The following GALNTL6 variants were observed in gnomAD, a reference collection of about 807,000 sequenced individuals.
GALNTL6 encodes the protein polypeptide N-acetylgalactosaminyltransferase like 6.
GALNTL6 carries 46 observed loss-of-function variants against 73.7 expected under a neutral mutation model. The ratio of observed to expected loss-of-function variants is 0.62; its 90% CI spans 0.49 to 0.80. The LOEUF is 0.80. Among genes scored for constraint, GALNTL6 ranks in the 30% least tolerant of loss-of-function variants. GALNTL6 has a pLI of 0.00. For missense variants in GALNTL6, 604 were observed against 755.0 expected, an observed-to-expected ratio of 0.80 and a Z score of 2.34; for synonymous variants, 259 against 263.7, an observed-to-expected ratio of 0.98 and a Z score of 0.17.
intron 5 of GALNTL6, among the ~76,000 whole-genome samples, chr4:172,619,852 A>C (rs1738886094): frequency 6.6e-6 from 1 of 152,202 alleles, no homozygotes; most frequent in Non-Finnish European, 1.5e-5. Flanking sequence ...CGTAAGTACT[A>C]TGAAATGCAT....
At chr4:172,711,972 G>A (rs984341662) in intron 5 of GALNTL6, among the ~76,000 whole-genome samples, 1 of 152,156 alleles carries the variant, frequency 6.6e-6, no homozygotes, top group African/African-American at 2.4e-5. Context: ...TATCCCGGAA[G>A]GCAGGAAAAG....
At chr4:171,865,368 G>A (rs1735943445) in intron 2 of GALNTL6, among the ~76,000 whole-genome samples, 1 of 152,138 alleles carries the variant, frequency 6.6e-6, no homozygotes, top group Non-Finnish European at 1.5e-5. Flanking sequence ...AATGGTATGT[G>A]AGACAGGCTT....
At chr4:172,774,983 TAATAATAATAA>T (rs1738992259) in intron 5 of GALNTL6, among the ~76,000 whole-genome samples, 1 of 148,272 alleles carries the variant, frequency 6.7e-6, no homozygotes, top group Non-Finnish European at 1.5e-5. Flanking sequence ...ATAATAATAA[TAATAATAATAA>T]TAATAATAAA....
At chr4:172,789,000 A>G (rs1366742344) in intron 5 of GALNTL6, among the ~76,000 whole-genome samples, 1 of 152,190 alleles carries the variant, frequency 6.6e-6, no homozygotes, top group Non-Finnish European at 1.5e-5. Flanking sequence ...CACCACAACA[A>G]TCATCAACAT....
chr4:172,259,129 C>CA, intron 3 of GALNTL6, among the ~76,000 whole-genome samples: 2 of 151,166 alleles, frequency 1.3e-5, no homozygotes, highest in Admixed American at 1.3e-4. Flanking sequence ...ACCCAGGAGT[C>CA]AATGACTGGA....
chr4:172,769,013 G>A (rs894354131), intron 5 of GALNTL6, among the ~76,000 whole-genome samples: 1 of 152,034 alleles, frequency 6.6e-6, no homozygotes. Flanking sequence ...AAACAGATAA[G>A]CAGTTGAGCA....
At chr4:172,776,116 G>A (rs944696051) in intron 5 of GALNTL6, among the ~76,000 whole-genome samples, 2 of 152,164 alleles carry the variant, frequency 1.3e-5, no homozygotes, top group African/African-American at 2.4e-5. Context: ...CCTGGCCCAC[G>A]GAAACTGAGA....
intron 2 of GALNTL6, among the ~76,000 whole-genome samples, chr4:171,966,795 T>C (rs1579014445): frequency 6.6e-6 from 1 of 152,310 alleles, no homozygotes. Context: ...GTTATTACTA[T>C]TTCCAGCAGT....
At chr4:171,874,523 G>C (rs1430480517) in intron 2 of GALNTL6, among the ~76,000 whole-genome samples, 1 of 152,134 alleles carries the variant, frequency 6.6e-6, no homozygotes, top group South Asian at 2.1e-4. Context: ...CTAGGGAAAA[G>C]TCATTCTAGG....
intron 2 of GALNTL6, among the ~76,000 whole-genome samples, chr4:172,174,386 C>T (rs959082931): frequency 6.6e-6 from 1 of 152,022 alleles, no homozygotes; most frequent in East Asian, 1.9e-4. Context: ...TTCATTTTTC[C>T]CTTTTTTTGT....
At chr4:172,859,441 T>C (rs953617485) in intron 7 of GALNTL6, among the ~76,000 whole-genome samples, 17 of 152,146 alleles carry the variant, frequency 1.1e-4, no homozygotes, top group African/African-American at 3.9e-4. Flanking sequence ...ATAGAGATCT[T>C]TTCCACATCT....
intron 5 of GALNTL6, among the ~76,000 whole-genome samples, chr4:172,423,986 C>A (rs1731141052): frequency 6.6e-6 from 1 of 151,914 alleles, no homozygotes; most frequent in South Asian, 2.1e-4. Flanking sequence ...TGTTGAGATA[C>A]AATTAATGTA....
chr4:171,839,876 T>C (rs1735194781), intron 2 of GALNTL6, among the ~76,000 whole-genome samples: 1 of 152,156 alleles, frequency 6.6e-6, no homozygotes, highest in Non-Finnish European at 1.5e-5. Context: ...AATTTATTCA[T>C]GAGTCTAAGA....
At chr4:172,827,861 T>A (rs1214389618) in intron 7 of GALNTL6, among the ~76,000 whole-genome samples, 1 of 150,316 alleles carries the variant, frequency 6.7e-6, no homozygotes, top group East Asian at 2.0e-4. Context: ...TATCTCACTA[T>A]ACAAGTTTTT....
intron 5 of GALNTL6, among the ~76,000 whole-genome samples, chr4:172,517,822 ACAAT>A (rs1043739285): frequency 2.6e-5 from 4 of 152,140 alleles, no homozygotes; most frequent in African/African-American, 7.2e-5. Context: ...TATTAACAAT[ACAAT>A]CAATTTCCAG....
At position 172,368,398 on chromosome 4, in the gene GALNTL6, C is replaced by CA. The variant is rs373356861; in HGVS notation, c.553+19718dup. ...TCCATCTCAAAACAAATAACAACAACAAAAAAAAACAAAATAATAGTAGAA... is the reference window on the plus strand; with the variant it reads ...TCCATCTCAAAACAAATAACAACAACAAAAAAAAAACAAAATAATAGTAGAA... On this transcript the variant is annotated intron_variant, in intron 5 of 12. Transcript: ENST00000506823. Among the ~76,000 whole-genome samples the CA allele has an allele frequency of 4.9e-3, 735 of 150,428 alleles. 4 individuals carry two copies. Among genetic ancestry groups the CA allele is most frequent in the African/African-American group, 0.016 (639 of 41,004 alleles).
Position 172,018,453 on chromosome 4 carries a change from GC to G in GALNTL6, c.138+203737del, listed in dbSNP as rs1172501810. On this transcript the variant is annotated intron_variant, in intron 2 of 12. Coordinates refer to ENST00000506823, the MANE Select transcript of GALNTL6 (RefSeq NM_001034845.3). The stretch of plus-strand genomic sequence containing the variant: ...TAATGTTCCAGAGGGGAGTATGGCT[GC>G]CTCTGCTGTGCAGTATAGTTTGCCA... Among the ~76,000 whole-genome samples the G allele has an allele frequency of 6.6e-5, 10 of 152,158 alleles. No homozygotes were observed. The East Asian group carries it at 1.6e-3, about 24-fold the overall frequency.
At chr4:172,974,450 A>G (rs968816802) in intron 10 of GALNTL6, among the ~76,000 whole-genome samples, 3 of 152,192 alleles carry the variant, frequency 2.0e-5, no homozygotes, top group African/African-American at 7.2e-5. Context: ...AAATTTATGG[A>G]CTAATTCATA....
chr4:171,923,561 C>A (rs1264394636), intron 2 of GALNTL6, among the ~76,000 whole-genome samples: 1 of 43,704 alleles, frequency 2.3e-5, no homozygotes, highest in Admixed American at 3.7e-4. Context: ...CCACTCCCGG[C>A]TAATTTTTTT....
Sources: allele counts gnomAD v4.1 joint callset (sites outside exome capture counted in the v4.1 genomes callset), GRCh38; gene constraint gnomAD v4.1.1; transcripts MANE v1.5; gene names NCBI Gene and HGNC (gene_info 2026-07-23, HGNC 2026-07-21).